MGAT4D: variants seen among roughly 807,000 people sequenced by gnomAD.
MGAT4D encodes MGAT4 family member D.
MGAT4D carries 34 observed loss-of-function variants against 15.9 expected under a neutral mutation model. That is an observed-to-expected ratio of 2.14 (90% CI 1.62 to 2.84). The LOEUF is 2.84. Ranked by LOEUF, MGAT4D falls within the 30% of genes most tolerant of loss-of-function variation. The probability of loss-of-function intolerance (pLI) is 0.00; values close to 1 mark genes in which losing one functional copy is unlikely to be tolerated. For missense variants in MGAT4D, 327 were observed against 140.2 expected, an observed-to-expected ratio of 2.33 and a Z score of -6.73; for synonymous variants, 112 against 48.2, an observed-to-expected ratio of 2.33 and a Z score of -5.49.
intron 1 of MGAT4D, among the ~76,000 whole-genome samples, chr4:140,488,174 T>G (rs1472831901): frequency 6.6e-6 from 1 of 152,170 alleles, no homozygotes; most frequent in Non-Finnish European, 1.5e-5. Context: ...TTATAAATAG[T>G]TCCCTGAGTG....
At chr4:140,451,223 C>T (rs1315794091) in intron 10 of MGAT4D, among the ~76,000 whole-genome samples, 187 bp downstream of exon 10, 1 of 152,058 alleles carries the variant, frequency 6.6e-6, no homozygotes, top group Non-Finnish European at 1.5e-5. Context: ...TGATAGATAA[C>T]TTGGGGCTTT....
At chr4:140,474,600 G>T (rs1050702650) in intron 4 of MGAT4D, among the ~76,000 whole-genome samples, 4 of 152,142 alleles carry the variant, frequency 2.6e-5, no homozygotes, top group Non-Finnish European at 4.4e-5. Context: ...AAGCCATTAT[G>T]TTGTCCTTTT....
intron 10 of MGAT4D, among the ~76,000 whole-genome samples, chr4:140,449,251 A>G (rs1183590114): frequency 6.6e-6 from 1 of 152,188 alleles, no homozygotes; most frequent in African/African-American, 2.4e-5. Context: ...TATGTTTATC[A>G]TAGACATAGA....
chr4:140,459,634 A>G lies in MGAT4D; in HGVS notation c.763-8T>C, dbSNP rs1731033603. The stretch of plus-strand genomic sequence containing the variant: ...TATGATATCATCTTCTAGCTGAAAA[A>G]AAAAACCCAAAAAGACATTAATATC... On this transcript the variant is annotated splice_region_variant and splice_polypyrimidine_tract_variant and intron_variant, in intron 7 of 10. Transcript: ENST00000511113. 2.3e-6 allele frequency: 1 copy of G among 442,358 alleles called. No individual in the cohort carries two copies. The highest frequency in any genetic ancestry group is 4.0e-6 in the Non-Finnish European group (1 of 248,742). 27.4% of individuals were successfully genotyped at this position (442,358 alleles called of 1,614,324 possible).
At chr4:140,453,626 T>C (rs907199633) in intron 9 of MGAT4D, among the ~76,000 whole-genome samples, 12 of 152,082 alleles carry the variant, frequency 7.9e-5, no homozygotes, top group Non-Finnish European at 1.6e-4. Flanking sequence ...TGAGAGGTGA[T>C]TGGATCATGG....
At chr4:140,476,749 T>G (rs1560788778) in intron 3 of MGAT4D, among the ~76,000 whole-genome samples, 1 of 152,350 alleles carries the variant, frequency 6.6e-6, no homozygotes, top group Non-Finnish European at 1.5e-5. Context: ...TCTAATTTCC[T>G]TTGATAATTC....
chr4:140,461,344 T>G (rs1447300277), intron 7 of MGAT4D, among the ~76,000 whole-genome samples: 1 of 152,188 alleles, frequency 6.6e-6, no homozygotes, highest in African/African-American at 2.4e-5. Context: ...CTGCAAATTC[T>G]TTGAATGAGA....
chr4:140,492,807 T>C (rs1733590338), intron 1 of MGAT4D, among the ~76,000 whole-genome samples: 1 of 152,110 alleles, frequency 6.6e-6, no homozygotes, highest in Non-Finnish European at 1.5e-5. Flanking sequence ...ACAGGCTCTT[T>C]AAAAACAGGA....
chr4:140,466,294 A>G, intron 5 of MGAT4D, among the ~76,000 whole-genome samples: 1 of 152,178 alleles, frequency 6.6e-6, no homozygotes, highest in Non-Finnish European at 1.5e-5. Flanking sequence ...CTAACTGACA[A>G]ATAAGAAAAA....
At position 140,446,328 on chromosome 4, in the gene MGAT4D, T is replaced by G. The variant is rs774825757; in HGVS notation, c.1117-2884A>C. 3.3e-5 allele frequency among the ~76,000 whole-genome samples: 5 copies of G among 152,304 alleles called. No individual in the cohort carries two copies. The South Asian group carries it at 1.0e-3, about 32-fold the overall frequency. ...TTTTTTGGTTCAGTAGGCTATTTAT[T>G]ACTGATTCAATTTTGGAGTTTGTTG... is the stretch of plus-strand genomic sequence containing the variant. On this transcript the variant is annotated intron_variant, in intron 10 of 10. Transcript: ENST00000511113.
chr4:140,482,264 A>T (rs1732784610), intron 2 of MGAT4D, 63 bp downstream of exon 2: 1 of 565,780 alleles, frequency 1.8e-6, no homozygotes, highest in East Asian at 3.0e-5. Context: ...GAGGCCCTAA[A>T]ATCATAAGAC....
intron 4 of MGAT4D, among the ~76,000 whole-genome samples, chr4:140,473,839 C>T (rs1222297199): frequency 4.6e-5 from 7 of 151,378 alleles, no homozygotes; most frequent in Non-Finnish European, 1.0e-4. Flanking sequence ...GCTGGGACTA[C>T]AGGTGCACAC....
intron 1 of MGAT4D, among the ~76,000 whole-genome samples, chr4:140,489,521 C>T (rs1733369893): frequency 6.6e-6 from 1 of 152,138 alleles, no homozygotes; most frequent in Non-Finnish European, 1.5e-5. Context: ...CCCAGATAAG[C>T]AGAATCCTGA....
At chr4:140,495,693 G>T (rs530963943) in intron 1 of MGAT4D, among the ~76,000 whole-genome samples, 6 of 152,194 alleles carry the variant, frequency 3.9e-5, no homozygotes, top group Non-Finnish European at 8.8e-5. Flanking sequence ...GAACAAAAAG[G>T]TTATCTATCC....
intron 10 of MGAT4D, 24 bp from the exon 11 acceptor site, chr4:140,443,468 A>AC (rs1729898450): frequency 7.6e-6 from 4 of 527,982 alleles, no homozygotes; most frequent in Non-Finnish European, 1.3e-5. Flanking sequence ...AAAAAATGTA[A>AC]CATCTAGAAA....
chr4:140,450,136 C>A (rs1730380658), intron 10 of MGAT4D: 3 of 348,258 alleles, frequency 8.6e-6, no homozygotes, highest in Admixed American at 9.5e-5. Context: ...AAAAATTTAA[C>A]AAATAATTTA....
At chr4:140,460,818 AAAAAAC>A (rs1330327203) in intron 7 of MGAT4D, among the ~76,000 whole-genome samples, 1 of 152,208 alleles carries the variant, frequency 6.6e-6, no homozygotes, top group East Asian at 1.9e-4. Context: ...AAAACAAACA[AAAAAAC>A]AAAAACAAAA....
chr4:140,445,128 AC>A (rs970823923), intron 10 of MGAT4D, among the ~76,000 whole-genome samples: 59 of 151,852 alleles, frequency 3.9e-4, no homozygotes, highest in African/African-American at 1.4e-3. Context: ...CAGGTGATCC[AC>A]CCACCTCAGC....
chr4:140,496,512 T>A (rs1733848213), intron 1 of MGAT4D, among the ~76,000 whole-genome samples: 2 of 152,192 alleles, frequency 1.3e-5, no homozygotes, highest in Admixed American at 6.5e-5. Flanking sequence ...TCATTAATGG[T>A]ATTAAAACTT....
Sources: gnomAD v4.1 joint callset for allele counts (sites outside exome capture counted in the v4.1 genomes callset) on GRCh38, gnomAD v4.1.1 for gene constraint, MANE v1.5 for transcripts, NCBI Gene and HGNC (gene_info 2026-07-23, HGNC 2026-07-21) for gene names.